CREM: variants seen among roughly 807,000 people sequenced by gnomAD.
The protein encoded by CREM is cAMP responsive element modulator.
A neutral mutation model predicts 37.3 loss-of-function variants in CREM; 13 were observed. The observed-to-expected ratio is 0.35, with a 90% confidence interval of 0.23 to 0.55. The LOEUF is 0.55. Ranked by LOEUF, CREM falls within the 20% of genes least tolerant of loss-of-function variation. The probability of loss-of-function intolerance (pLI) is 0.88; values close to 1 mark genes in which losing one functional copy is unlikely to be tolerated. For synonymous variants in CREM, 124 were observed against 120.2 expected (o/e 1.03, Z -0.21); for missense variants, 296 against 362.3 (o/e 0.82, Z 1.49).
intron 3 of CREM, among the ~76,000 whole-genome samples, chr10:35,162,606 G>A (rs1261028146): frequency 6.6e-6 from 1 of 151,850 alleles, no homozygotes; most frequent in Non-Finnish European, 1.5e-5. Context: ...TGCTTTCCTT[G>A]CCCAGTCTTT....
chr10:35,207,753 G>A (rs999243618), intron 7 of CREM, among the ~76,000 whole-genome samples: 4 of 151,792 alleles, frequency 2.6e-5, no homozygotes. Flanking sequence ...CAGCCTGGGT[G>A]ACAGTGAGAC....
chr10:35,187,924 A>G (rs537119119), intron 5 of CREM, among the ~76,000 whole-genome samples: 1 of 152,346 alleles, frequency 6.6e-6, no homozygotes, highest in South Asian at 2.1e-4. Flanking sequence ...CTCTTGAGTG[A>G]TGTAGTCAGC....
intron 3 of CREM, chr10:35,167,624 A>C: frequency 3.6e-6 from 4 of 1,113,306 alleles, no homozygotes; most frequent in Non-Finnish European, 5.4e-6. Flanking sequence ...AAGTGTCACT[A>C]TTAGGGTTTT....
intron 1 of CREM, among the ~76,000 whole-genome samples, chr10:35,136,063 C>G (rs1173833203): frequency 6.6e-6 from 1 of 152,076 alleles, no homozygotes; most frequent in African/African-American, 2.4e-5. Context: ...CTTGTGGCTC[C>G]CATGGCCGGA....
At chr10:35,169,761 C>G (rs988371673) in intron 3 of CREM, among the ~76,000 whole-genome samples, 1 of 151,954 alleles carries the variant, frequency 6.6e-6, no homozygotes, top group Non-Finnish European at 1.5e-5. Flanking sequence ...TTTTGAGATA[C>G]GTCCCATCAA....
intron 1 of CREM, among the ~76,000 whole-genome samples, chr10:35,136,946 G>T (rs549189874): frequency 6.6e-6 from 1 of 152,114 alleles, no homozygotes; most frequent in East Asian, 1.9e-4. Context: ...TCAGCCTCCT[G>T]AGTAGCTGGG....
At chr10:35,181,078 T>C (rs1402234711) in intron 5 of CREM, among the ~76,000 whole-genome samples, 1 of 152,242 alleles carries the variant, frequency 6.6e-6, no homozygotes, top group Non-Finnish European at 1.5e-5. Flanking sequence ...GTGATTCCTT[T>C]ACAAGTTGAT....
At chr10:35,145,151 A>G (rs1198686728) in intron 2 of CREM, among the ~76,000 whole-genome samples, 1 of 109,282 alleles carries the variant, frequency 9.2e-6, no homozygotes, top group East Asian at 2.7e-4. Flanking sequence ...ACAGAGCAAG[A>G]CACTGTCTCA....
At chr10:35,178,867 T>C in intron 3 of CREM, 22 bp from the exon 4 acceptor site, 1 of 1,574,884 alleles carries the variant, frequency 6.3e-7, no homozygotes, top group Non-Finnish European at 8.7e-7. Flanking sequence ...TATGATACAT[T>C]TCAGAAAATC....
At chr10:35,206,379 T>G (rs1836263201) in intron 6 of CREM, among the ~76,000 whole-genome samples, 1 of 152,232 alleles carries the variant, frequency 6.6e-6, no homozygotes, top group Admixed American at 6.5e-5. Context: ...TCCAAGTATT[T>G]TCTCTGTGCT....
intron 5 of CREM, among the ~76,000 whole-genome samples, chr10:35,181,468 C>T (rs1216509607): frequency 2.0e-5 from 3 of 152,178 alleles, no homozygotes; most frequent in Non-Finnish European, 4.4e-5. Flanking sequence ...GTCCTTGGTA[C>T]CTGCTCACAG....
At chr10:35,177,702 A>G (rs2094155263) in intron 3 of CREM, among the ~76,000 whole-genome samples, 1 of 152,230 alleles carries the variant, frequency 6.6e-6, no homozygotes, top group South Asian at 2.1e-4. Flanking sequence ...CTTGTCCTAG[A>G]ATACTTACGT....
In CREM at chr10:35,159,527, C is replaced by G. The variant is rs145268016; in HGVS notation, c.168+11036C>G. On this transcript the variant is annotated intron_variant, in intron 3 of 7. Coordinates refer to ENST00000685392, the MANE Select transcript of CREM (RefSeq NM_183011.2). ...ATGTTGGGAAAACTAGATATTTACA[C>G]AGAAGAATGAAATTAGGCCCTTGTC... is the stretch of plus-strand genomic sequence containing the variant. 1.5e-4 allele frequency among the ~76,000 whole-genome samples: 23 copies of G among 152,252 alleles called. No individual in the cohort carries two copies. The East Asian group carries it at 3.7e-3, about 24-fold the overall frequency.
At chr10:35,171,111 A>T (rs2093793775) in intron 3 of CREM, 1 of 134,034 alleles carries the variant, frequency 7.5e-6, no homozygotes, top group Admixed American at 7.7e-5. Flanking sequence ...GATATGGTTT[A>T]TGTTAGCGGG....
At chr10:35,193,046 G>A (rs1015143477) in intron 6 of CREM, among the ~76,000 whole-genome samples, 3 of 152,142 alleles carry the variant, frequency 2.0e-5, no homozygotes, top group Non-Finnish European at 2.9e-5. Context: ...CGTTCCCCGA[G>A]GAAGCCTTGC....
intron 3 of CREM, among the ~76,000 whole-genome samples, chr10:35,169,791 T>G (rs2048078060): frequency 6.6e-6 from 1 of 152,094 alleles, no homozygotes. Context: ...TATTGAGAGT[T>G]TTTAGCATGA....
At chr10:35,203,038 C>A (rs992338063) in intron 6 of CREM, among the ~76,000 whole-genome samples, 2 of 151,728 alleles carry the variant, frequency 1.3e-5, no homozygotes, top group Non-Finnish European at 2.9e-5. Context: ...AATGAATGAA[C>A]GTCTTTTTTT....
Position 35,206,979 on chromosome 10 carries a change from G to C in CREM, c.683G>C (p.Gly228Ala), listed in dbSNP as rs770525538. Reference sequence around the variant, plus strand: ...GGAGTGGTGATGGCTGCATCGCCCGGAAGTTTGCACAGTCCCCAGCAGCTG... The same window carrying C: ...GGAGTGGTGATGGCTGCATCGCCCGCAAGTTTGCACAGTCCCCAGCAGCTG... ...PQGVVMAASP[G>A]SLHSPQQLAE... is the part of the protein sequence containing the mutation. The change falls in exon 7 of 8, where the codon GGA becomes GCA. Residue 228 changes from glycine (G) to alanine (A), a missense_variant. This residue lies in a region of CREM where 257 missense variants were observed against 280.2 expected (regional missense o/e 0.92). Transcript: ENST00000685392. 27 of 1,613,968 alleles carry C rather than the reference G, an allele frequency of 1.7e-5. No individual in the cohort carries two copies. The highest frequency in any genetic ancestry group is 2.2e-5 in the Non-Finnish European group (26 of 1,180,038).
Position 35,161,462 on chromosome 10 carries a change from C to T in CREM, c.168+12971C>T, listed in dbSNP as rs181304319. 4.8e-3 allele frequency among the ~76,000 whole-genome samples: 722 copies of T among 151,838 alleles called. 7 individuals carry two copies. Among genetic ancestry groups the T allele is most frequent in the Non-Finnish European group, 4.5e-3 (308 of 67,926 alleles). The stretch of plus-strand genomic sequence containing the variant: ...TGAGCCGAGATGGTCCCAGTGGACT[C>T]CAGCCTGGGCAACACAGCAAGACTC... On this transcript the variant is annotated intron_variant, in intron 3 of 7. Transcript: ENST00000685392.
Sources: gnomAD v4.1 joint callset for allele counts (sites outside exome capture counted in the v4.1 genomes callset) on GRCh38, gnomAD v4.1.1 for gene constraint, gnomAD v4.1.1 regional missense constraint, MANE v1.5 for transcripts, NCBI Gene and HGNC (gene_info 2026-07-23, HGNC 2026-07-21) for gene names.